MED12L: variants seen among roughly 807,000 people sequenced by gnomAD.
The protein encoded by MED12L is mediator of RNA polymerase II transcription subunit 12-like protein.
Under a neutral mutation model 281.3 loss-of-function variants are expected in MED12L, and 60 were observed. The observed-to-expected ratio is 0.21, with a 90% CI of 0.17 to 0.26. The LOEUF (loss-of-function observed/expected upper bound fraction) is 0.26, where lower values mean the gene tolerates loss of function less well. Among genes scored for constraint, MED12L ranks in the 10% least tolerant of loss-of-function variants. The pLI is 1.00. For missense variants in MED12L, 2,146 were observed against 2,680.9 expected (o/e 0.80, Z 4.41); for synonymous variants, 974 against 987.2 (o/e 0.99, Z 0.25).
chr3:151,091,004 G>A (rs1576703687), intron 2 of MED12L, among the ~76,000 whole-genome samples: 1 of 152,314 alleles, frequency 6.6e-6, no homozygotes. Context: ...TTGTGCCATT[G>A]CACTCCAGCC....
At chr3:151,186,188 G>A (rs1723240299) in intron 12 of MED12L, among the ~76,000 whole-genome samples, 1 of 152,184 alleles carries the variant, frequency 6.6e-6, no homozygotes. Flanking sequence ...AGCTTTTGTT[G>A]AGGGAAATTT....
At chr3:151,310,209 A>T (rs1747315870) in intron 16 of MED12L, among the ~76,000 whole-genome samples, 1 of 152,260 alleles carries the variant, frequency 6.6e-6, no homozygotes, top group Admixed American at 6.5e-5. Flanking sequence ...AATAAAAGAC[A>T]GCTAGTATGT....
At chr3:151,101,735 G>A (rs1721419942) in intron 2 of MED12L, among the ~76,000 whole-genome samples, 1 of 152,126 alleles carries the variant, frequency 6.6e-6, no homozygotes, top group South Asian at 2.1e-4. Flanking sequence ...AGCTCACGTG[G>A]TTTTGCTGTT....
intron 16 of MED12L, among the ~76,000 whole-genome samples, chr3:151,264,376 A>G (rs1054707708): frequency 6.6e-6 from 1 of 152,242 alleles, no homozygotes; most frequent in African/African-American, 2.4e-5. Context: ...AACTCTTCTC[A>G]CGAGGGCAGT....
intron 17 of MED12L, 123 bp downstream of exon 17, chr3:151,350,329 C>A: frequency 1.2e-6 from 1 of 834,150 alleles, no homozygotes; most frequent in Non-Finnish European, 1.7e-6. Context: ...ATGACTCTCA[C>A]ATTGAAATGT....
intron 11 of MED12L, among the ~76,000 whole-genome samples, chr3:151,173,517 G>A (rs187603697): frequency 4.6e-5 from 7 of 152,228 alleles, no homozygotes; most frequent in Admixed American, 4.6e-4. Context: ...TATGAATATT[G>A]GTACATTTAT....
chr3:151,392,950 A>G (rs1221289811), intron 38 of MED12L, among the ~76,000 whole-genome samples: 1 of 152,244 alleles, frequency 6.6e-6, no homozygotes, highest in Non-Finnish European at 1.5e-5. Flanking sequence ...CTTTTTACAT[A>G]TCAATATACA....
In MED12L at chr3:151,089,511, A is replaced by G. The variant is rs562259863; in HGVS notation, c.99+2486A>G. On this transcript the variant is annotated intron_variant, in intron 2 of 44. Transcript: ENST00000687756. ...TTTGTGCACTTCAGAAAAAATTTCAAACCAACATTTGTGTGAGAAAAGCCC... is the reference window on the plus strand; with the variant it reads ...TTTGTGCACTTCAGAAAAAATTTCAGACCAACATTTGTGTGAGAAAAGCCC... Among the ~76,000 whole-genome samples the G allele has an allele frequency of 5.3e-5, 8 of 152,222 alleles. No individual in the cohort carries two copies. The South Asian group carries it at 1.7e-3, about 32-fold the overall frequency.
At chr3:151,298,820 C>T (rs1745468491) in intron 16 of MED12L, among the ~76,000 whole-genome samples, 1 of 152,114 alleles carries the variant, frequency 6.6e-6, no homozygotes, top group South Asian at 2.1e-4. Flanking sequence ...TTAAATTAAA[C>T]ATAATTTAAA....
chr3:151,286,579 A>G (rs1262225612), intron 16 of MED12L, among the ~76,000 whole-genome samples: 1 of 152,192 alleles, frequency 6.6e-6, no homozygotes, highest in Non-Finnish European at 1.5e-5. Flanking sequence ...GCTCCATGGA[A>G]GAAGCTTCAC....
chr3:151,193,392 G>T (rs1378423537), intron 15 of MED12L, 98 bp from the exon 16 acceptor site: 1 of 860,774 alleles, frequency 1.2e-6, no homozygotes, highest in East Asian at 2.5e-5. Flanking sequence ...AGGAAAAGGT[G>T]TATAAGTGTC....
intron 14 of MED12L, 130 bp downstream of exon 14, chr3:151,191,061 A>T: frequency 1.4e-6 from 1 of 716,382 alleles, no homozygotes; most frequent in East Asian, 2.7e-5. Flanking sequence ...GTGGTTGTTT[A>T]TCTCTACTTC....
chr3:151,319,471 G>A (rs1295171305), intron 16 of MED12L, among the ~76,000 whole-genome samples: 1 of 48,228 alleles, frequency 2.1e-5, no homozygotes, highest in African/African-American at 1.3e-4. Flanking sequence ...GTGTGTGCGT[G>A]TGTGTGTGTG....
chr3:151,306,189 TCTC>T (rs1746618121), intron 16 of MED12L, among the ~76,000 whole-genome samples: 1 of 152,242 alleles, frequency 6.6e-6, no homozygotes, highest in South Asian at 2.1e-4. Context: ...CTTCTGTGTC[TCTC>T]CTCCCTGCAA....
Position 151,432,778 on chromosome 3 carries a change from C to G in MED12L, c.6517C>G (p.Pro2173Ala). ...SSNQPQQGVTPYGHPSHF is the reference protein window; with the variant it reads ...SSNQPQQGVTAYGHPSHF The stretch of plus-strand genomic sequence containing the variant: ...CAACCAGCCACAGCAAGGAGTGACT[C>G]CGTATGGGCATCCTTCACACTTCTG... The change falls in exon 45 of 45, where the codon CCG becomes GCG. Residue 2173 changes from proline to alanine, a missense_variant. By Grantham distance (27) the Pro-to-Ala change is conservative. Coordinates refer to ENST00000687756, the MANE Select transcript of MED12L (RefSeq NM_001393769.1). 1 of 1,613,240 alleles carries G rather than the reference C, an allele frequency of 6.2e-7. No homozygotes were observed. Among genetic ancestry groups the G allele is most frequent in the Non-Finnish European group, 8.5e-7 (1 of 1,179,528 alleles).
At chr3:151,261,891 A>AT (rs1035612129) in intron 16 of MED12L, among the ~76,000 whole-genome samples, 6 of 151,672 alleles carry the variant, frequency 4.0e-5, no homozygotes, top group Admixed American at 6.6e-5. Flanking sequence ...TGCCTGGCTA[A>AT]TTTTTTTGTA....
chr3:151,392,825 A>C (rs1714447062), intron 38 of MED12L, among the ~76,000 whole-genome samples: 1 of 152,218 alleles, frequency 6.6e-6, no homozygotes, highest in Non-Finnish European at 1.5e-5. Context: ...CATATTTGTA[A>C]TATTTTATTC....
intron 16 of MED12L, among the ~76,000 whole-genome samples, chr3:151,240,818 C>T (rs1733926145): frequency 6.6e-6 from 1 of 152,172 alleles, no homozygotes; most frequent in Admixed American, 6.5e-5. Flanking sequence ...TTCCTTAGGT[C>T]AGAGACAAGG....
chr3:151,294,789 A>G (rs1253311606), intron 16 of MED12L: 1 of 1,614,076 alleles, frequency 6.2e-7, no homozygotes, highest in Non-Finnish European at 8.5e-7. Flanking sequence ...GTTATGCTGT[A>G]CATCCGAGAG....
Sources: gnomAD v4.1 joint callset for allele counts (sites outside exome capture counted in the v4.1 genomes callset) on GRCh38, gnomAD v4.1.1 for gene constraint, MANE v1.5 for transcripts, NCBI Gene and HGNC (gene_info 2026-07-23, HGNC 2026-07-21) for gene names.